The following SMG5 variants were observed in gnomAD, a reference collection of about 807,000 sequenced individuals.
SMG5 encodes the protein SMG5 nonsense mediated mRNA decay factor, also known as nonsense-mediated mRNA decay factor SMG5.
SMG5 carries 53 observed loss-of-function variants against 122.9 expected under a neutral mutation model. That is an observed-to-expected ratio of 0.43 (90% confidence interval 0.35 to 0.54). The LOEUF is 0.54. Ranked by LOEUF, SMG5 falls within the 20% of genes least tolerant of loss-of-function variation. The pLI is 0.01. For synonymous variants in SMG5, 477 were observed against 490.2 expected (o/e 0.97, Z 0.35); for missense variants, 1,153 against 1,285.6 (o/e 0.90, Z 1.58).
At chr1:156,277,283 T>C in intron 3 of SMG5, 42 bp from the exon 4 acceptor site, 1 of 1,592,572 alleles carries the variant, frequency 6.3e-7, no homozygotes, top group Non-Finnish European at 8.6e-7. Flanking sequence ...AGCAATAAAC[T>C]CAGAGTCGCA....
chr1:156,265,015 G>C (rs1427963360), intron 12 of SMG5, among the ~76,000 whole-genome samples: 1 of 142,852 alleles, frequency 7.0e-6, no homozygotes, highest in Non-Finnish European at 1.5e-5. Flanking sequence ...AACAGAGTGA[G>C]ACTCTGTCTC....
chr1:156,285,470 C>T, upstream of SMG5: 1 of 1,614,068 alleles, frequency 6.2e-7, no homozygotes, highest in Non-Finnish European at 8.5e-7. Context: ...GGGGACTGGC[C>T]CTCAGCCCAG....
chr1:156,276,127 CT>C (rs144991356), intron 4 of SMG5, among the ~76,000 whole-genome samples: 28,721 of 128,540 alleles, frequency 0.22, 2,836 homozygotes, highest in Non-Finnish European at 0.27. Flanking sequence ...AGAGGTTTGG[CT>C]TTTTTTTTTT....
Position 156,250,900 on chromosome 1 carries a change from G to A in SMG5, c.2925C>T (p.Gly975=). The change falls in exon 21 of 22, where the codon GGC becomes GGT. Residue 975 remains glycine, a synonymous_variant. Transcript: ENST00000361813. The part of the protein sequence containing the change: ...DPSGMVTIIT[G]LPLDNPSVLS... The stretch of plus-strand genomic sequence containing the variant: ...GCACGCTGGGGTTGTCCAGTGGAAG[G>A]CCTGTGATGATGGTCACCATGCCAC... The A allele has an allele frequency of 1.2e-6, 2 of 1,613,942 alleles. No homozygotes were observed. The highest frequency in any genetic ancestry group is 1.1e-5 in the South Asian group (1 of 91,068).
chr1:156,251,279 A>T, intron 20 of SMG5, 124 bp downstream of exon 20: 2 of 1,142,276 alleles, frequency 1.8e-6, no homozygotes, highest in Non-Finnish European at 2.6e-6. Context: ...GGCCTGCAGG[A>T]GGGCCCTGGC....
At position 156,255,735 on chromosome 1, in the gene SMG5, A is replaced by AT. The variant is rs1448679410; in HGVS notation, c.2443-2228dup. 4.6e-5 allele frequency among the ~76,000 whole-genome samples: 7 copies of AT among 151,522 alleles called. No homozygotes were observed. In the East Asian group the frequency reaches 5.8e-4, roughly 13 times the overall value. The stretch of plus-strand genomic sequence containing the variant: ...ATCACATTTCTACAAAAAAAAGTAT[A>AT]TTTTTTTTATTTTAAAAATCAGTCA... On this transcript the variant is annotated intron_variant, in intron 16 of 21. Coordinates refer to ENST00000361813, the MANE Select transcript of SMG5 (RefSeq NM_015327.3).
At chr1:156,278,498 C>T (rs1353582443) in intron 2 of SMG5, among the ~76,000 whole-genome samples, 1 of 151,366 alleles carries the variant, frequency 6.6e-6, no homozygotes, top group Non-Finnish European at 1.5e-5. Context: ...TACAGGTGTG[C>T]GGGATTACAG....
chr1:156,252,884 C>T (rs1661413652), intron 18 of SMG5, 35 bp downstream of exon 18: 1 of 1,507,536 alleles, frequency 6.6e-7, no homozygotes, highest in Non-Finnish European at 8.9e-7. Context: ...CTCTTTTAGT[C>T]ATACTCTGTC....
At chr1:156,274,773 T>A in intron 4 of SMG5, 87 bp from the exon 5 acceptor site, 1 of 1,051,684 alleles carries the variant, frequency 9.5e-7, no homozygotes, top group Non-Finnish European at 1.5e-6. Context: ...ATGTAGAGAC[T>A]AAGAATCCAG....
intron 14 of SMG5, 115 bp from the exon 15 acceptor site, chr1:156,260,741 C>T (rs965236507): frequency 9.4e-6 from 9 of 960,578 alleles, no homozygotes; most frequent in Non-Finnish European, 1.3e-5. Flanking sequence ...GCAGGACATA[C>T]CCTAGGACAG....
At chr1:156,252,635 C>T (rs1661401700) in intron 18 of SMG5, 131 bp from the exon 19 acceptor site, 1 of 928,176 alleles carries the variant, frequency 1.1e-6, no homozygotes, top group Non-Finnish European at 1.6e-6. Flanking sequence ...CCCTAGAGGG[C>T]TCCCAAAGTT....
intron 19 of SMG5, among the ~76,000 whole-genome samples, chr1:156,251,964 C>T (rs964395483): frequency 1.2e-4 from 18 of 152,356 alleles, no homozygotes; most frequent in South Asian, 2.1e-4. Flanking sequence ...TGGCTGGCTT[C>T]GGTCTTACCA....
At chr1:156,289,040 C>T in the SMG5 span, among the ~76,000 whole-genome samples, 1 of 152,182 alleles carries the variant, frequency 6.6e-6, no homozygotes, top group Non-Finnish European at 1.5e-5. Flanking sequence ...GAATCCAGGT[C>T]CTTTTCCTCT....
chr1:156,287,742 G>A (rs1339390746), upstream of SMG5, among the ~76,000 whole-genome samples: 3 of 148,758 alleles, frequency 2.0e-5, no homozygotes, highest in East Asian at 2.1e-4. Context: ...TCAGCCTCCC[G>A]CGTAGCTGGG....
At chr1:156,266,801 C>CT (rs370875877) in intron 10 of SMG5, 123 bp from the exon 11 acceptor site, 21,624 of 882,546 alleles carry the variant, frequency 0.025, 3 homozygotes, top group Non-Finnish European at 0.027. Context: ...ATCAAAGATT[C>CT]TTTTTTTTTT....
At chr1:156,286,580 GGCCCAAATGTGT>G, upstream of SMG5, 1 of 1,133,106 alleles carries the variant, frequency 8.8e-7, no homozygotes, top group Non-Finnish European at 1.3e-6. Context: ...ATTCTACACT[GGCCCAAATGTGT>G]GCCCTGGGGA....
At chr1:156,291,305 C>T in the SMG5 span, 2 of 1,336,612 alleles carry the variant, frequency 1.5e-6, no homozygotes, top group Non-Finnish European at 2.1e-6. Context: ...CCCCTATCTA[C>T]TCCCCCCACC....
intron 19 of SMG5, 57 bp downstream of exon 19, chr1:156,252,357 G>T: frequency 6.5e-7 from 1 of 1,531,950 alleles, no homozygotes; most frequent in Non-Finnish European, 9.0e-7. Context: ...TCATAAGCAT[G>T]TGTTATCCAA....
chr1:156,282,663 G>T lies in SMG5; in HGVS notation c.18C>A (p.Pro6=), dbSNP rs140385195. Residue 6 remains proline (P), a synonymous_variant, in exon 1 of 22, where the codon CCC becomes CCA. Transcript: ENST00000361813. MSQGP[P]TGESSEPEAK... is the part of the protein sequence containing the mutation. ...CTTCGGGCTCGCTGCTCTCCCCTGT[G>T]GGGGGGCCTTGGCTCATGGTGCCCG... 3.7e-6 allele frequency: 6 copies of T among 1,605,630 alleles called. No individual in the cohort carries two copies. Among genetic ancestry groups the T allele is most frequent in the Admixed American group, 3.3e-5 (2 of 59,852 alleles).
Sources: allele counts gnomAD v4.1 joint callset (sites outside exome capture counted in the v4.1 genomes callset), GRCh38; gene constraint gnomAD v4.1.1; transcripts MANE v1.5; gene names NCBI Gene and HGNC (gene_info 2026-07-23, HGNC 2026-07-21).